Variants in TIAM1 observed in about 807,000 individuals in gnomAD.
TIAM1 encodes TIAM Rac1 associated GEF 1.
TIAM1 carries 65 observed loss-of-function variants against 163.5 expected under a neutral mutation model. That is an observed-to-expected ratio of 0.40 (90% CI 0.33 to 0.49). The LOEUF is 0.49. Among genes scored for constraint, TIAM1 ranks in the 20% least tolerant of loss-of-function variants. The pLI, the probability that TIAM1 is intolerant of heterozygous loss-of-function variation, is 0.77. For synonymous variants in TIAM1, 833 were observed against 810.1 expected, an observed-to-expected ratio of 1.03 and a Z score of -0.48; for missense variants, 1,789 against 2,044.7, an observed-to-expected ratio of 0.87 and a Z score of 2.41.
chr21:31,325,121 A>T (rs994483541), intron 2 of TIAM1, among the ~76,000 whole-genome samples: 2 of 150,948 alleles, frequency 1.3e-5, no homozygotes, highest in African/African-American at 4.9e-5. Flanking sequence ...CTCTACAAAA[A>T]AAAAATACAA....
chr21:31,197,477 G>A (rs1157699721), intron 12 of TIAM1, among the ~76,000 whole-genome samples: 5 of 149,486 alleles, frequency 3.3e-5, no homozygotes, highest in East Asian at 2.0e-4. Context: ...CCAGGTTCAC[G>A]CCATTGTCCT....
At position 31,350,294 on chromosome 21, in the gene TIAM1, G is replaced by T. The variant is rs1261684579; in HGVS notation, c.-368-10872C>A. Among the ~76,000 whole-genome samples the T allele has an allele frequency of 2.6e-5, 4 of 152,176 alleles. No individual in the cohort carries two copies. In the East Asian group the frequency reaches 7.7e-4, roughly 29 times the overall value. On this transcript the variant is annotated intron_variant, in intron 2 of 28. Coordinates refer to the TIAM1 transcript ENST00000286827. ...TGGTATTTAATGGTATTCATGGGTGGGAATCATTTTGATTTTTATTTTATA... is the reference window on the plus strand; with the variant it reads ...TGGTATTTAATGGTATTCATGGGTGTGAATCATTTTGATTTTTATTTTATA...
intron 11 of TIAM1, among the ~76,000 whole-genome samples, chr21:31,203,600 T>C (rs1253890309): frequency 6.6e-6 from 1 of 152,248 alleles, no homozygotes; most frequent in Non-Finnish European, 1.5e-5. Context: ...ATTTGATTCA[T>C]TGTGCTCTCT....
Position 31,154,360 on chromosome 21 carries a change from A to G in TIAM1, c.3058T>C (p.Ser1020Pro), listed in dbSNP as rs2083516092. The change falls in exon 17 of 28, where the codon TCT (serine) becomes CCT (proline). Residue 1020 changes from serine to proline, a missense_variant. By Grantham distance (74) the Ser-to-Pro change is moderately conservative. Transcript: ENST00000541036. The part of the protein sequence containing the change: ...HEMNPSDQSP[S>P]PQDSTGPQLA... ...TGAGGCCCCGTGGAGTCCTGAGGAG[A>G]TGGGCTCTGGTCAGAGGGGTTCATC... The G allele has an allele frequency of 1.2e-6, 2 of 1,614,020 alleles. No homozygotes were observed. The highest frequency in any genetic ancestry group is 1.7e-6 in the Non-Finnish European group (2 of 1,179,996).
rs142243750 is a variant in TIAM1, at chr21:31,505,870, G to T, written c.-421-41835C>A. On this transcript the variant is annotated intron_variant, in intron 1 of 28. Transcript: ENST00000286827. ...CTAAAATTACAAAAATTAGCCGGAC[G>T]TGGTGGCGGGTGCCTGTAGTCCCAG... Among the ~76,000 whole-genome samples, 1,000 of 151,948 alleles carry T rather than the reference G, an allele frequency of 6.6e-3. 5 individuals carry two copies. Among genetic ancestry groups the T allele is most frequent in the Middle Eastern group, 0.014 (4 of 294 alleles).
intron 6 of TIAM1, among the ~76,000 whole-genome samples, chr21:31,242,711 A>G (rs755871287): frequency 2.6e-5 from 4 of 152,030 alleles, no homozygotes; most frequent in Non-Finnish European, 5.9e-5. Flanking sequence ...AATAAACAAT[A>G]AACAACAATA....
intron 23 of TIAM1, among the ~76,000 whole-genome samples, chr21:31,134,833 T>C (rs1053547942): frequency 6.6e-6 from 1 of 152,164 alleles, no homozygotes; most frequent in Non-Finnish European, 1.5e-5. Context: ...TTTAATGAAA[T>C]GACCTCAACA....
At chr21:31,525,651 G>A (rs1444146218) in intron 1 of TIAM1, among the ~76,000 whole-genome samples, 1 of 152,148 alleles carries the variant, frequency 6.6e-6, no homozygotes, top group Non-Finnish European at 1.5e-5. Context: ...TCAAACCCAG[G>A]CAGTCTGGCA....
intron 2 of TIAM1, among the ~76,000 whole-genome samples, chr21:31,305,910 C>G (rs1208675646): frequency 6.6e-6 from 1 of 152,128 alleles, no homozygotes; most frequent in African/African-American, 2.4e-5. Context: ...ACGGGGGTGA[C>G]TGCCATGGTG....
At chr21:31,208,978 A>G (rs968840175) in intron 11 of TIAM1, among the ~76,000 whole-genome samples, 6 of 152,076 alleles carry the variant, frequency 3.9e-5, no homozygotes, top group African/African-American at 1.2e-4. Context: ...AGCCCCAAAG[A>G]AGACCAATTC....
chr21:31,473,466 A>G (rs1203877961), intron 1 of TIAM1, among the ~76,000 whole-genome samples: 1 of 117,402 alleles, frequency 8.5e-6, no homozygotes, highest in African/African-American at 3.2e-5. Flanking sequence ...AAAAAAAAAA[A>G]CATGGCTTAG....
At chr21:31,206,107 T>C (rs2086438620) in intron 11 of TIAM1, among the ~76,000 whole-genome samples, 1 of 152,232 alleles carries the variant, frequency 6.6e-6, no homozygotes, top group Non-Finnish European at 1.5e-5. Context: ...ATGAAAATTA[T>C]AATGGTCTTA....
chr21:31,257,878 T>C (rs2072207244), intron 4 of TIAM1, among the ~76,000 whole-genome samples: 1 of 151,586 alleles, frequency 6.6e-6, no homozygotes, highest in African/African-American at 2.4e-5. Context: ...TGCCAACCTC[T>C]CCACAGCATC....
In TIAM1 at chr21:31,125,894, A is replaced by C. The variant is rs148887776; in HGVS notation, c.4133+1171T>G. On this transcript the variant is annotated intron_variant, in intron 26 of 27. Coordinates refer to ENST00000541036, the MANE Select transcript of TIAM1 (RefSeq NM_001353694.2). Reference sequence around the variant, plus strand: ...CCAGCACCAGTGTTCATTCTCTATAAGGCCTTAGGCTAAGTACCATCTCTA... The same window carrying C: ...CCAGCACCAGTGTTCATTCTCTATACGGCCTTAGGCTAAGTACCATCTCTA... Among the ~76,000 whole-genome samples the C allele has an allele frequency of 3.5e-3, 531 of 152,310 alleles. 5 individuals are homozygous for C. The highest frequency in any genetic ancestry group is 0.012 in the African/African-American group (510 of 41,580).
rs973861689 is a variant in TIAM1 at position 31,339,231 on chromosome 21, C to T, written c.-189+12G>A. On this transcript the variant is annotated intron_variant, in intron 2 of 27. Transcript: ENST00000541036. The stretch of plus-strand genomic sequence containing the variant: ...TCCTCATTCCCCAGCCTTTTGCAAA[C>T]GCCACACTTACCCCATTGGAAACAG... 36 of 397,952 alleles carry T rather than the reference C, an allele frequency of 9.0e-5. No individual in the cohort carries two copies. The Middle Eastern group carries it at 1.9e-3, about 21-fold the overall frequency. 24.7% of individuals were successfully genotyped at this position (397,952 alleles called of 1,614,324 possible).
chr21:31,222,557 G>A (rs1000447451), intron 8 of TIAM1, among the ~76,000 whole-genome samples: 5 of 151,196 alleles, frequency 3.3e-5, no homozygotes, highest in South Asian at 2.1e-4. Flanking sequence ...TCGGGTATTC[G>A]TGGTCATCAA....
At chr21:31,534,140 G>A (rs1323359616) in intron 1 of TIAM1, among the ~76,000 whole-genome samples, 1 of 152,192 alleles carries the variant, frequency 6.6e-6, no homozygotes, top group African/African-American at 2.4e-5. Context: ...TGAAGAGAAA[G>A]CGAGTACCTC....
upstream of TIAM1, among the ~76,000 whole-genome samples, chr21:31,346,127 C>G (rs916764447): frequency 4.0e-5 from 6 of 151,780 alleles, no homozygotes; most frequent in Non-Finnish European, 1.5e-5. Context: ...AGATGCTGCT[C>G]TACATCCTAT....
intron 2 of TIAM1, among the ~76,000 whole-genome samples, chr21:31,441,885 C>CAAAA (rs35501898): frequency 2.3e-5 from 3 of 128,636 alleles, no homozygotes; most frequent in Non-Finnish European, 4.9e-5. Flanking sequence ...CCCATGTTTA[C>CAAAA]AAAAAAAAAA....
Sources: allele counts gnomAD v4.1 joint callset (sites outside exome capture counted in the v4.1 genomes callset), GRCh38; gene constraint gnomAD v4.1.1; transcripts MANE v1.5; gene names NCBI Gene and HGNC (gene_info 2026-07-23, HGNC 2026-07-21).